Variants in PCDHGB5 observed in about 807,000 individuals in gnomAD.
The protein encoded by PCDHGB5 is protocadherin gamma-B5.
A neutral mutation model predicts 62.9 loss-of-function variants in PCDHGB5; 48 were observed. The observed-to-expected ratio is 0.76, with a 90% CI of 0.61 to 0.97. PCDHGB5 has a LOEUF of 0.97. Ranked by LOEUF, PCDHGB5 falls within the 50% of genes least tolerant of loss-of-function variation. PCDHGB5 has a pLI of 0.00. For synonymous variants in PCDHGB5, 474 were observed against 511.2 expected (o/e 0.93, Z 0.98); for missense variants, 1,118 against 1,198.6 (o/e 0.93, Z 0.99).
chr5:141,475,116 C>G (rs1383017919), intron 1 of PCDHGB5, among the ~76,000 whole-genome samples: 2 of 152,128 alleles, frequency 1.3e-5, no homozygotes, highest in African/African-American at 4.8e-5. Context: ...GTAAATAGGC[C>G]TGGCTTTTTT....
chr5:141,464,200 G>C (rs1331779739), intron 1 of PCDHGB5, among the ~76,000 whole-genome samples: 1 of 149,856 alleles, frequency 6.7e-6, no homozygotes, highest in Non-Finnish European at 1.5e-5. Flanking sequence ...AGGAGGCGGA[G>C]ATTGCAGTGA....
At chr5:141,448,573 A>AT (rs976781630) in intron 1 of PCDHGB5, among the ~76,000 whole-genome samples, 10 of 151,772 alleles carry the variant, frequency 6.6e-5, no homozygotes, top group East Asian at 5.8e-4. Flanking sequence ...TTATTTCCCC[A>AT]TTTTTTTTAC....
intron 1 of PCDHGB5, chr5:141,409,740 T>C: frequency 6.2e-7 from 1 of 1,612,820 alleles, no homozygotes; most frequent in Non-Finnish European, 8.5e-7. Context: ...CAGAGCGGGG[T>C]GGTGTTCGCG....
chr5:141,497,197 A>G (rs1243476120), intron 2 of PCDHGB5, among the ~76,000 whole-genome samples: 2 of 106,804 alleles, frequency 1.9e-5, no homozygotes, highest in African/African-American at 5.7e-5. Flanking sequence ...GCAGAGAACA[A>G]TGTGAGTGTA....
At chr5:141,437,463 AC>A (rs2097887109) in intron 1 of PCDHGB5, among the ~76,000 whole-genome samples, 1 of 152,184 alleles carries the variant, frequency 6.6e-6, no homozygotes, top group Non-Finnish European at 1.5e-5. Flanking sequence ...ACTATACTAT[AC>A]TTTTATAGCA....
chr5:141,405,032 G>T lies in PCDHGB5; in HGVS notation c.2397+4508G>T, dbSNP rs747720731. On this transcript the variant is annotated intron_variant, in intron 1 of 3. Coordinates refer to ENST00000617380, the MANE Select transcript of PCDHGB5 (RefSeq NM_018925.3). Reference sequence around the variant, plus strand: ...GGCCTCAGACCTTACCCTCTACCTCGTTGTGGCTGTGGCAGTCGTCTCCTG... The same window carrying T: ...GGCCTCAGACCTTACCCTCTACCTCTTTGTGGCTGTGGCAGTCGTCTCCTG... The T allele has an allele frequency of 1.9e-6, 3 of 1,613,806 alleles. No homozygotes were observed. Among genetic ancestry groups the T allele is most frequent in the Admixed American group, 3.3e-5 (2 of 59,992 alleles).
chr5:141,482,967 AGCAGCTACTT>A (rs2099575323), intron 1 of PCDHGB5, among the ~76,000 whole-genome samples: 1 of 58,122 alleles, frequency 1.7e-5, no homozygotes, highest in African/African-American at 2.6e-4. Flanking sequence ...CAGCTACTTG[AGCAGCTACTT>A]GAGAGGTCGA....
chr5:141,418,694 TATTCC>T, intron 1 of PCDHGB5: 2 of 1,614,044 alleles, frequency 1.2e-6, no homozygotes, highest in Non-Finnish European at 1.7e-6. Flanking sequence ...AGAGATCACT[TATTCC>T]TTCTTTGGTG....
intron 1 of PCDHGB5, chr5:141,411,213 CTATT>C (rs1479996814): frequency 1.3e-5 from 2 of 152,186 alleles, no homozygotes; most frequent in African/African-American, 2.4e-5. Context: ...AGTAACCTAT[CTATT>C]CAAATTTGCG....
In PCDHGB5 at chr5:141,485,031, C is replaced by A; in HGVS notation, c.2398-9776C>A. On this transcript the variant is annotated intron_variant, in intron 1 of 3. Coordinates refer to ENST00000617380, the MANE Select transcript of PCDHGB5 (RefSeq NM_018925.3). The surrounding 1 kb of genome is among the most constrained non-coding windows in gnomAD (Gnocchi z 5.7). Reference sequence around the variant, plus strand: ...TACCCCGCCACCAGCAAAAACGGCGCGTAACCCTTGCGGCGCCGGCCGAAC... The same window carrying A: ...TACCCCGCCACCAGCAAAAACGGCGAGTAACCCTTGCGGCGCCGGCCGAAC... The A allele has an allele frequency of 1.5e-6, 1 of 680,514 alleles. No homozygotes were observed. Among genetic ancestry groups the A allele is most frequent in the South Asian group, 1.8e-5 (1 of 54,868 alleles). 42.2% of individuals were successfully genotyped at this position (680,514 alleles called of 1,614,324 possible). A position where few individuals can be genotyped will look rare whatever the true frequency, so the allele number is the denominator to read the frequency against.
At chr5:141,411,394 A>AC (rs958605809) in intron 1 of PCDHGB5, 4 of 151,570 alleles carry the variant, frequency 2.6e-5, no homozygotes, top group South Asian at 2.1e-4. Context: ...ATATAGGGAG[A>AC]CCCCCCATCT....
At chr5:141,443,792 A>G (rs540226154) in intron 1 of PCDHGB5, among the ~76,000 whole-genome samples, 67 of 152,366 alleles carry the variant, frequency 4.4e-4, no homozygotes, top group African/African-American at 1.4e-3. Flanking sequence ...AAAAAAAATG[A>G]AAAGGAAACA....
rs2099404773 is a variant in PCDHGB5 at position 141,477,081 on chromosome 5, T to C, written c.2398-17726T>C. ...GACACCAAACTCCATGAGATTTACA[T>C]CCAGGCCAAAGACAAGGGCGCCAAT... On this transcript the variant is annotated intron_variant, in intron 1 of 3. Transcript: ENST00000617380. The surrounding 1 kb of genome is among the most constrained non-coding windows in gnomAD (Gnocchi z 4.9). 6.2e-7 allele frequency: 1 copy of C among 1,614,104 alleles called. No individual in the cohort carries two copies. Among genetic ancestry groups the C allele is most frequent in the Non-Finnish European group, 8.5e-7 (1 of 1,180,052 alleles).
At chr5:141,404,221 T>C (rs1028021504) in intron 1 of PCDHGB5, 2 of 1,613,766 alleles carry the variant, frequency 1.2e-6, no homozygotes, top group Non-Finnish European at 1.7e-6. Context: ...TCACGGTGAC[T>C]GCAACAGACA....
At position 141,431,337 on chromosome 5, in the gene PCDHGB5, A is replaced by C. The variant is rs1412811147; in HGVS notation, c.2397+30813A>C. On this transcript the variant is annotated intron_variant, in intron 1 of 3. Coordinates refer to ENST00000617380, the MANE Select transcript of PCDHGB5 (RefSeq NM_018925.3). The surrounding 1 kb of genome is among the most constrained non-coding windows in gnomAD (Gnocchi z 4.8). ...GGAGCCGACGGTAGTAAGTACCCCG[A>C]ATTGGTGCTGAAACGCGCCCTGGAC... 6.2e-7 allele frequency: 1 copy of C among 1,613,926 alleles called. No homozygotes were observed. The highest frequency in any genetic ancestry group is 1.7e-5 in the Admixed American group (1 of 60,006).
intron 1 of PCDHGB5, among the ~76,000 whole-genome samples, chr5:141,474,420 T>C (rs1260451051): frequency 2.0e-5 from 3 of 152,226 alleles, no homozygotes; most frequent in Admixed American, 2.0e-4. Flanking sequence ...GCCTAGACCA[T>C]TGGTCCTCAC....
intron 1 of PCDHGB5, among the ~76,000 whole-genome samples, chr5:141,445,447 A>G (rs974383838): frequency 3.4e-4 from 51 of 152,222 alleles, no homozygotes; most frequent in Admixed American, 1.3e-3. Flanking sequence ...TGGACTAAGG[A>G]TGCAGCAATG....
chr5:141,401,272 G>A (rs998700154), intron 1 of PCDHGB5, among the ~76,000 whole-genome samples: 1 of 152,172 alleles, frequency 6.6e-6, no homozygotes. Flanking sequence ...AACCTGGCAG[G>A]TGGAGGTTGC....
chr5:141,430,924 G>A (rs1217400258), intron 1 of PCDHGB5: 1 of 1,607,462 alleles, frequency 6.2e-7, no homozygotes, highest in Admixed American at 1.7e-5. Context: ...TGGGGCTGGA[G>A]CCCCGGGAGC....
Sources: allele counts gnomAD v4.1 joint callset (sites outside exome capture counted in the v4.1 genomes callset), GRCh38; gene constraint gnomAD v4.1.1; non-coding constraint Gnocchi (gnomAD v3.1); transcripts MANE v1.5; gene names NCBI Gene and HGNC (gene_info 2026-07-23, HGNC 2026-07-21).